The following CNIH3 variants were observed in gnomAD, a reference collection of about 807,000 sequenced individuals.
CNIH3 encodes cornichon family AMPA receptor auxiliary protein 3, also known as protein cornichon homolog 3.
Under a neutral mutation model 24.1 loss-of-function variants are expected in CNIH3, and 14 were observed. The observed-to-expected ratio is 0.58, with a 90% confidence interval of 0.38 to 0.91. The LOEUF (loss-of-function observed/expected upper bound fraction) is 0.91, where lower values mean the gene tolerates loss of function less well. Among genes scored for constraint, CNIH3 ranks in the 40% least tolerant of loss-of-function variants. The probability of loss-of-function intolerance (pLI) is 0.00; values close to 1 mark genes in which losing one functional copy is unlikely to be tolerated. For synonymous variants in CNIH3, 68 were observed against 73.8 expected (o/e 0.92, Z 0.40); for missense variants, 178 against 196.8 (o/e 0.90, Z 0.57).
At chr1:224,696,450 A>G (rs1028277631) in intron 3 of CNIH3, among the ~76,000 whole-genome samples, 2 of 152,234 alleles carry the variant, frequency 1.3e-5, no homozygotes. Context: ...GGACGGCTGC[A>G]GATCTCTGTC....
rs1298762363 is a variant in CNIH3 at position 224,440,035 on chromosome 1, G to T, written n.203+5173G>T. On this transcript the variant is annotated intron_variant and non_coding_transcript_variant, in intron 1 of 5. Coordinates refer to the CNIH3 transcript ENST00000471578. Reference sequence around the variant, plus strand: ...GATCTCCTGACCTCGTGATCTGCCCGCCTCGGCCTCCCAAAGTGTTGGGAT... The same window carrying T: ...GATCTCCTGACCTCGTGATCTGCCCTCCTCGGCCTCCCAAAGTGTTGGGAT... Among the ~76,000 whole-genome samples the T allele has an allele frequency of 2.0e-5, 3 of 152,178 alleles. No homozygotes were observed. The South Asian group carries it at 6.2e-4, about 31-fold the overall frequency.
chr1:224,653,724 T>A (rs1016660818), intron 1 of CNIH3, among the ~76,000 whole-genome samples: 1 of 152,144 alleles, frequency 6.6e-6, no homozygotes, highest in Admixed American at 6.6e-5. Context: ...ACCTCAAGAG[T>A]CAGTATGGCC....
Position 224,435,235 on chromosome 1 carries a change from A to G in CNIH3, n.203+373A>G, listed in dbSNP as rs967476947. 6.9e-5 allele frequency: 68 copies of G among 984,692 alleles called. No homozygotes were observed. The South Asian group carries it at 1.2e-3, about 17-fold the overall frequency. 61.0% of individuals were successfully genotyped at this position (984,692 alleles called of 1,614,324 possible). On this transcript the variant is annotated intron_variant and non_coding_transcript_variant, in intron 1 of 5. Coordinates refer to the CNIH3 transcript ENST00000471578. Reference sequence around the variant, plus strand: ...GGAGCTTCGACAGGCAGGAACTTCCAGGCACAGGGCTGTGGTAGGCCCCTC... The same window carrying G: ...GGAGCTTCGACAGGCAGGAACTTCCGGGCACAGGGCTGTGGTAGGCCCCTC...
At chr1:224,599,453 T>C (rs1682118595) in intron 3 of CNIH3, among the ~76,000 whole-genome samples, 1 of 152,214 alleles carries the variant, frequency 6.6e-6, no homozygotes, top group African/African-American at 2.4e-5. Context: ...AGTTGAAGCA[T>C]TTAATAAATA....
chr1:224,461,993 T>TA (rs889417521), intron 1 of CNIH3, among the ~76,000 whole-genome samples: 19 of 151,828 alleles, frequency 1.3e-4, no homozygotes, highest in Non-Finnish European at 2.4e-4. Flanking sequence ...TCCTTTTTTT[T>TA]AAAAAAAAGA....
chr1:224,511,142 G>A (rs148074226), upstream of CNIH3, among the ~76,000 whole-genome samples: 137 of 152,284 alleles, frequency 9.0e-4, 1 homozygote, highest in African/African-American at 3.2e-3. Context: ...GAATGGGAGC[G>A]GCAGATGCTA....
chr1:224,435,463 C>T (rs1479556849), intron 1 of CNIH3, among the ~76,000 whole-genome samples: 2 of 152,146 alleles, frequency 1.3e-5, no homozygotes, highest in African/African-American at 2.4e-5. Flanking sequence ...GACAAGAAGT[C>T]ACAAAAAGGC....
intron 3 of CNIH3, among the ~76,000 whole-genome samples, chr1:224,726,055 A>G (rs1184346784): frequency 1.3e-5 from 2 of 152,248 alleles, no homozygotes; most frequent in Non-Finnish European, 1.5e-5. Flanking sequence ...TTTAGAATGC[A>G]GACAAGTAAA....
At chr1:224,711,653 G>C (rs1688154941) in intron 3 of CNIH3, among the ~76,000 whole-genome samples, 1 of 151,536 alleles carries the variant, frequency 6.6e-6, no homozygotes, top group Non-Finnish European at 1.5e-5. Flanking sequence ...AAATTAGCCA[G>C]GTATGGTGGT....
At chr1:224,597,571 G>A (rs12091093) in intron 3 of CNIH3, among the ~76,000 whole-genome samples, 33,854 of 152,032 alleles carry the variant, frequency 0.22, 4,133 homozygotes, top group Admixed American at 0.33. Context: ...GGGGTCGGAG[G>A]GTACAGAAAG....
At chr1:224,629,100 G>A (rs1413495146) in intron 1 of CNIH3, among the ~76,000 whole-genome samples, 4 of 151,460 alleles carry the variant, frequency 2.6e-5, no homozygotes, top group African/African-American at 4.9e-5. Flanking sequence ...TCTGCCTCCC[G>A]GGTTCAAGCA....
intron 3 of CNIH3, among the ~76,000 whole-genome samples, chr1:224,600,676 C>T (rs1037354364): frequency 4.6e-5 from 7 of 152,248 alleles, no homozygotes; most frequent in African/African-American, 1.7e-4. Flanking sequence ...TGTGCCCAGC[C>T]CCATTTATGG....
intron 1 of CNIH3, among the ~76,000 whole-genome samples, chr1:224,671,945 G>C (rs1685885737): frequency 6.6e-6 from 1 of 151,876 alleles, no homozygotes; most frequent in African/African-American, 2.4e-5. Flanking sequence ...AGTGTACAGA[G>C]AGACTTTAGG....
chr1:224,694,902 A>G (rs1687090496), intron 3 of CNIH3, among the ~76,000 whole-genome samples: 1 of 152,174 alleles, frequency 6.6e-6, no homozygotes, highest in Non-Finnish European at 1.5e-5. Flanking sequence ...ATGCAAAGGC[A>G]TAAAAATGAT....
At chr1:224,646,408 T>C (rs1480374553) in intron 1 of CNIH3, among the ~76,000 whole-genome samples, 2 of 152,160 alleles carry the variant, frequency 1.3e-5, no homozygotes, top group African/African-American at 2.4e-5. Context: ...TGTTTGTTTG[T>C]TTTTGTTTTT....
At chr1:224,471,303 T>A (rs1676358611) in intron 1 of CNIH3, among the ~76,000 whole-genome samples, 1 of 152,200 alleles carries the variant, frequency 6.6e-6, no homozygotes, top group Admixed American at 6.5e-5. Flanking sequence ...GTGCTGGGAT[T>A]CCAGGCGTGA....
At chr1:224,562,154 A>T (rs1270994797) in intron 3 of CNIH3, among the ~76,000 whole-genome samples, 1 of 152,224 alleles carries the variant, frequency 6.6e-6, no homozygotes, top group Non-Finnish European at 1.5e-5. Context: ...ATTGGGCTTC[A>T]ACAGTTTACT....
rs754345945 is a variant in CNIH3, at chr1:224,740,274, A to T, written c.*918A>T. 3.3e-5 allele frequency: 5 copies of T among 152,198 alleles called. No homozygotes were observed. The highest frequency in any genetic ancestry group is 7.3e-5 in the Non-Finnish European group (5 of 68,040). The allele number at this position is 152,198 out of a possible 1,614,324, so 9.4% of individuals were successfully genotyped here. ...GTACTGTTTAGGTCGACGTGAGGAC[A>T]TCATCTTATTTAGAATTTTCCGTTT... On this transcript the variant is annotated 3_prime_UTR_variant, in exon 6 of 6. Transcript: ENST00000272133.
chr1:224,711,106 T>C (rs1688115475), intron 3 of CNIH3, among the ~76,000 whole-genome samples: 1 of 152,182 alleles, frequency 6.6e-6, no homozygotes, highest in Non-Finnish European at 1.5e-5. Flanking sequence ...GAGAAAAATG[T>C]TTTAACGCAC....
Sources: gnomAD v4.1 joint callset for allele counts (sites outside exome capture counted in the v4.1 genomes callset) on GRCh38, gnomAD v4.1.1 for gene constraint, MANE v1.5 for transcripts, NCBI Gene and HGNC (gene_info 2026-07-23, HGNC 2026-07-21) for gene names.